NRG3: variants seen among roughly 807,000 people sequenced by gnomAD.
NRG3 encodes pro-neuregulin-3, membrane-bound isoform.
A neutral mutation model predicts 66.9 loss-of-function variants in NRG3; 31 were observed. The ratio of observed to expected loss-of-function variants is 0.46; its 90% CI spans 0.35 to 0.63. The LOEUF (loss-of-function observed/expected upper bound fraction) is 0.63. Ranked by LOEUF, NRG3 falls within the 20% of genes least tolerant of loss-of-function variation. NRG3 has a pLI of 0.00. For missense variants in NRG3, 910 were observed against 878.9 expected, an observed-to-expected ratio of 1.04 and a Z score of -0.45; for synonymous variants, 393 against 359.4, an observed-to-expected ratio of 1.09 and a Z score of -1.06.
chr10:82,756,748 T>C (rs911543048), intron 3 of NRG3, among the ~76,000 whole-genome samples: 1 of 151,918 alleles, frequency 6.6e-6, no homozygotes, highest in Non-Finnish European at 1.5e-5. Flanking sequence ...CTGGACCTTG[T>C]TGGAGAGAAG....
At chr10:81,953,252 G>T (rs1366449127) in intron 1 of NRG3, among the ~76,000 whole-genome samples, 1 of 152,136 alleles carries the variant, frequency 6.6e-6, no homozygotes, top group Non-Finnish European at 1.5e-5. Context: ...AAGTCTGTTG[G>T]TTGAGAGCCC....
intron 1 of NRG3, among the ~76,000 whole-genome samples, chr10:82,120,650 A>G (rs2068027115): frequency 6.6e-6 from 1 of 152,166 alleles, no homozygotes; most frequent in African/African-American, 2.4e-5. Flanking sequence ...TCTACAAAGA[A>G]TACCTCTGGC....
chr10:82,352,357 G>A (rs527849995), intron 1 of NRG3, among the ~76,000 whole-genome samples: 2 of 145,630 alleles, frequency 1.4e-5, no homozygotes, highest in South Asian at 4.4e-4. Context: ...ATTTTTGTTA[G>A]ACTTTGATAA....
intron 4 of NRG3, among the ~76,000 whole-genome samples, chr10:82,909,506 A>C (rs566021939): frequency 6.6e-6 from 1 of 151,418 alleles, no homozygotes; most frequent in African/African-American, 2.4e-5. Context: ...CCCCAAGGGG[A>C]AAAAAAAAGA....
Position 81,875,224 on chromosome 10 carries a change from C to A in NRG3, c.-117C>A. The A allele has an allele frequency of 2.0e-6, 1 of 512,408 alleles. No individual in the cohort carries two copies. The highest frequency in any genetic ancestry group is 2.5e-6 in the Non-Finnish European group (1 of 400,316). The allele number at this position is 512,408 out of a possible 1,614,324, so 31.7% of individuals were successfully genotyped here. ...TGCATGCGGCCGCCGCGGCCGCTGC[C>A]TGCGCCCGAGCCCGCCGCCGCCGCC... On this transcript the variant is annotated 5_prime_UTR_variant, in exon 1 of 9. It adds an upstream start codon to the 5' untranslated region. Transcript: ENST00000372141. The surrounding 1 kb of genome is among the most constrained non-coding windows in gnomAD (Gnocchi z 5.3).
At chr10:82,438,291 G>A (rs562644751) in intron 2 of NRG3, among the ~76,000 whole-genome samples, 1 of 152,370 alleles carries the variant, frequency 6.6e-6, no homozygotes, top group South Asian at 2.1e-4. Flanking sequence ...CACTGAGGAA[G>A]GATGGGTCAG....
chr10:82,379,986 A>C (rs1425211612), intron 2 of NRG3, among the ~76,000 whole-genome samples: 1 of 152,002 alleles, frequency 6.6e-6, no homozygotes, highest in Non-Finnish European at 1.5e-5. Context: ...TCTCAAATGC[A>C]ATTTTATAAT....
chr10:82,028,411 T>C (rs1326470515), intron 1 of NRG3, among the ~76,000 whole-genome samples: 4 of 152,102 alleles, frequency 2.6e-5, no homozygotes, highest in African/African-American at 9.7e-5. Context: ...CTCACTCTCA[T>C]TGGGGAAGAA....
chr10:82,147,148 G>A (rs1195625646), intron 1 of NRG3, among the ~76,000 whole-genome samples: 3 of 152,152 alleles, frequency 2.0e-5, no homozygotes, highest in Non-Finnish European at 4.4e-5. Context: ...GATACCAAGA[G>A]TCACTTACAA....
chr10:82,855,882 G>A (rs1369292681), intron 3 of NRG3, among the ~76,000 whole-genome samples: 1 of 152,050 alleles, frequency 6.6e-6, no homozygotes, highest in Non-Finnish European at 1.5e-5. Context: ...TTCTGATAGT[G>A]GACCACTTAC....
intron 3 of NRG3, among the ~76,000 whole-genome samples, chr10:82,801,938 T>G (rs1297304275): frequency 6.6e-6 from 1 of 152,200 alleles, no homozygotes; most frequent in East Asian, 1.9e-4. Flanking sequence ...TACCAAAGTC[T>G]CTTGTATGTG....
chr10:82,359,869 G>A (rs1014748357), intron 2 of NRG3, among the ~76,000 whole-genome samples: 1 of 152,102 alleles, frequency 6.6e-6, no homozygotes, highest in African/African-American at 2.4e-5. Flanking sequence ...GAAATGCATT[G>A]TATAGTTATG....
At chr10:82,606,594 C>T (rs2047980151) in intron 2 of NRG3, among the ~76,000 whole-genome samples, 1 of 152,046 alleles carries the variant, frequency 6.6e-6, no homozygotes, top group South Asian at 2.1e-4. Flanking sequence ...AACACCAGCA[C>T]AAGGTTAACA....
At chr10:82,745,177 A>C (rs553684530) in intron 3 of NRG3, among the ~76,000 whole-genome samples, 3 of 152,294 alleles carry the variant, frequency 2.0e-5, no homozygotes, top group African/African-American at 7.2e-5. Flanking sequence ...CTAGGAGAGA[A>C]GATTGCAGTG....
intron 1 of NRG3, among the ~76,000 whole-genome samples, chr10:82,005,119 A>G (rs900590544): frequency 2.6e-5 from 4 of 152,216 alleles, no homozygotes; most frequent in Non-Finnish European, 5.9e-5. Flanking sequence ...CAGGGATCAA[A>G]ATAGCTAGTA....
chr10:82,330,328 G>A (rs1056365969), intron 1 of NRG3, among the ~76,000 whole-genome samples: 3 of 151,804 alleles, frequency 2.0e-5, no homozygotes, highest in Non-Finnish European at 4.4e-5. Context: ...GGTCATTTTT[G>A]CTATATTTAC....
At chr10:82,810,733 AG>A (rs893865181) in intron 3 of NRG3, among the ~76,000 whole-genome samples, 3 of 142,724 alleles carry the variant, frequency 2.1e-5, no homozygotes, top group African/African-American at 7.7e-5. Context: ...ACTGCACTCC[AG>A]CCTAAAAAAA....
intron 2 of NRG3, among the ~76,000 whole-genome samples, chr10:82,586,193 CAAACTT>C (rs781124031): frequency 6.7e-6 from 1 of 148,406 alleles, no homozygotes; most frequent in Non-Finnish European, 1.5e-5. Context: ...GCCCATGTAA[CAAACTT>C]GAACTTGTAC....
At chr10:82,078,509 C>G (rs1211404916) in intron 1 of NRG3, among the ~76,000 whole-genome samples, 1 of 152,158 alleles carries the variant, frequency 6.6e-6, no homozygotes, top group African/African-American at 2.4e-5. Context: ...CGCCACCACA[C>G]CCGGCTAATT....
Sources: allele counts gnomAD v4.1 joint callset (sites outside exome capture counted in the v4.1 genomes callset), GRCh38; gene constraint gnomAD v4.1.1; non-coding constraint Gnocchi (gnomAD v3.1); transcripts MANE v1.5; gene names NCBI Gene and HGNC (gene_info 2026-07-23, HGNC 2026-07-21).